The following GRID2IP variants were observed in gnomAD, a reference collection of about 807,000 sequenced individuals.
The protein encoded by GRID2IP is delphilin.
GRID2IP carries 78 observed loss-of-function variants against 114.3 expected under a neutral mutation model. That is an observed-to-expected ratio of 0.68 (90% CI 0.57 to 0.82). The LOEUF (loss-of-function observed/expected upper bound fraction) is 0.82. Among genes scored for constraint, GRID2IP ranks in the 40% least tolerant of loss-of-function variants. The pLI is 0.00. For synonymous variants in GRID2IP, 809 were observed against 724.0 expected, an observed-to-expected ratio of 1.12 and a Z score of -1.89; for missense variants, 1,727 against 1,678.5, an observed-to-expected ratio of 1.03 and a Z score of -0.51.
chr7:6,509,175 C>T lies in GRID2IP; in HGVS notation c.1910G>A (p.Arg637Lys), dbSNP rs1786688542. 3 of 1,475,244 alleles carry T rather than the reference C, an allele frequency of 2.0e-6. No homozygotes were observed. Among genetic ancestry groups the T allele is most frequent in the Non-Finnish European group, 2.7e-6 (3 of 1,110,982 alleles). 91.4% of individuals were successfully genotyped at this position (1,475,244 alleles called of 1,614,324 possible). ...GGGGCCTGGCTGTGGGGAGGGTGCC[C>T]TGCTGCTGTCCAGGCTGGCGTAGGG... The part of the protein sequence containing the change: ...SHPYASLDSS[R>K]APSPQPGPGP... Residue 637 changes from arginine (R) to lysine (K), a missense_variant, in exon 12 of 22, where the codon AGG becomes AAG. Coordinates refer to ENST00000457091, the MANE Select transcript of GRID2IP (RefSeq NM_001145118.2). This position sits in a 1 kb window ranked among gnomAD's most constrained non-coding sequence, Gnocchi z 4.9.
chr7:6,526,855 G>A lies in GRID2IP; in HGVS notation c.585-86C>T. 7.5e-7 allele frequency: 1 copy of A among 1,326,336 alleles called. No individual in the cohort carries two copies. The highest frequency in any genetic ancestry group is 9.7e-7 in the Non-Finnish European group (1 of 1,028,374). 82.2% of individuals were successfully genotyped at this position (1,326,336 alleles called of 1,614,324 possible). ...GGCCCGAAGGCGCGTCCTCGCGGGCGCCGCCCTAGGCTCTCCCACCTCTTC... is the reference window on the plus strand; with the variant it reads ...GGCCCGAAGGCGCGTCCTCGCGGGCACCGCCCTAGGCTCTCCCACCTCTTC... On this transcript the variant is annotated intron_variant, in intron 2 of 21. Coordinates refer to ENST00000457091, the MANE Select transcript of GRID2IP (RefSeq NM_001145118.2). The surrounding 1 kb of genome is among the most constrained non-coding windows in gnomAD (Gnocchi z 7.6).
chr7:6,543,950 C>T (rs1779848930), intron 1 of GRID2IP, among the ~76,000 whole-genome samples: 1 of 152,008 alleles, frequency 6.6e-6, no homozygotes, highest in Non-Finnish European at 1.5e-5. Context: ...GCAAATGCCA[C>T]CACGCCCGGC....
chr7:6,546,184 G>A (rs1779885791), intron 1 of GRID2IP, among the ~76,000 whole-genome samples: 2 of 151,738 alleles, frequency 1.3e-5, no homozygotes, highest in South Asian at 4.1e-4. Flanking sequence ...CCAGTCTGGC[G>A]CAGTGGCTCA....
At chr7:6,535,887 G>A (rs977387902) in intron 2 of GRID2IP, among the ~76,000 whole-genome samples, 11 of 151,838 alleles carry the variant, frequency 7.2e-5, no homozygotes, top group Admixed American at 3.3e-4. Flanking sequence ...CTCTCCTTGG[G>A]GACTGTCCTC....
intron 4 of GRID2IP, among the ~76,000 whole-genome samples, chr7:6,524,305 T>C (rs1284085289): frequency 6.6e-6 from 1 of 152,188 alleles, no homozygotes; most frequent in East Asian, 1.9e-4. Flanking sequence ...GTGGAAAGAA[T>C]GCATTGGCAT....
chr7:6,544,913 C>T (rs1348746449), intron 1 of GRID2IP, among the ~76,000 whole-genome samples: 1 of 151,920 alleles, frequency 6.6e-6, no homozygotes, highest in Non-Finnish European at 1.5e-5. Context: ...AACCCCGTCT[C>T]TACTAAAAAT....
chr7:6,503,365 C>T (rs1365832977), intron 16 of GRID2IP, 126 bp downstream of exon 16: 1 of 1,081,938 alleles, frequency 9.2e-7, no homozygotes, highest in Non-Finnish European at 1.3e-6. Context: ...AGGTGTTAAA[C>T]TGGGACTCAG....
Position 6,520,480 on chromosome 7 carries a change from G to C in GRID2IP, c.1268+98C>G. 7.6e-7 allele frequency: 1 copy of C among 1,322,566 alleles called. No homozygotes were observed. The highest frequency in any genetic ancestry group is 1.4e-5 in the South Asian group (1 of 70,348). 81.9% of individuals were successfully genotyped at this position (1,322,566 alleles called of 1,614,324 possible). ...TTCCTGAGCATCCCCCAGGAGAACG[G>C]GACTGAGGAGGTTCAGGCAGGGAGA... is the stretch of plus-strand genomic sequence containing the variant. On this transcript the variant is annotated intron_variant, in intron 7 of 21. Transcript: ENST00000457091. The surrounding 1 kb of genome is among the most constrained non-coding windows in gnomAD (Gnocchi z 4.6).
chr7:6,550,866 G>A (rs1366967388), intron 1 of GRID2IP, 142 bp downstream of exon 1: 13 of 981,850 alleles, frequency 1.3e-5, no homozygotes, highest in Non-Finnish European at 1.7e-5. Context: ...AGGTTTTGAA[G>A]TTGAGCATTC....
intron 2 of GRID2IP, among the ~76,000 whole-genome samples, chr7:6,531,879 T>C (rs770770560): frequency 6.6e-6 from 1 of 152,036 alleles, no homozygotes; most frequent in Non-Finnish European, 1.5e-5. Context: ...GAAGCCGAAT[T>C]CCAAAACACA....
At chr7:6,504,627 G>A (rs1368585709) in intron 15 of GRID2IP, among the ~76,000 whole-genome samples, 166 bp downstream of exon 15, 1 of 152,154 alleles carries the variant, frequency 6.6e-6, no homozygotes, top group African/African-American at 2.4e-5. Context: ...GCGCCCAGAT[G>A]GGATCTGGCT....
rs1441089661 is a variant in GRID2IP, at chr7:6,509,252, G to A, written c.1833C>T (p.Tyr611=). ...CCAGACCCCCCGAACACAGCGGGTG[G>A]TAGCAGGGGGAGGGCAAGAGTCGCT... ...PSERLLPSPC[Y]HPLCSGGLAS... The change falls in exon 12 of 22, where the codon TAC becomes TAT. Residue 611 remains tyrosine, a synonymous_variant. Transcript: ENST00000457091. This position sits in a 1 kb window ranked among gnomAD's most constrained non-coding sequence, Gnocchi z 4.9. 1.3e-6 allele frequency: 2 copies of A among 1,526,636 alleles called. No individual in the cohort carries two copies. The highest frequency in any genetic ancestry group is 1.8e-6 in the Non-Finnish European group (2 of 1,134,762). 94.6% of individuals were successfully genotyped at this position (1,526,636 alleles called of 1,614,324 possible). A position where few individuals can be genotyped will look rare whatever the true frequency, so the allele number is the denominator to read the frequency against.
In GRID2IP at chr7:6,510,968, C is replaced by A. The variant is rs1410403064; in HGVS notation, c.1495G>T (p.Ala499Ser). Reference protein sequence around the residue: ...PEPQPRSSLRASSMCRRSLRS... With the variant: ...PEPQPRSSLRSSSMCRRSLRS... ...AGGCTGCGGCGGCACATGGAGGAAGCCCGCAGGGAGCTCCGCGGCTGGGGC... is the reference window on the plus strand; with the variant it reads ...AGGCTGCGGCGGCACATGGAGGAAGACCGCAGGGAGCTCCGCGGCTGGGGC... Residue 499 changes from alanine to serine, a missense_variant, in exon 9 of 22, where the codon GCT (alanine) becomes TCT (serine). Physicochemically the swap from Ala to Ser is moderately conservative, Grantham distance 99. Transcript: ENST00000457091. 3.2e-6 allele frequency: 5 copies of A among 1,545,736 alleles called. No individual in the cohort carries two copies. The highest frequency in any genetic ancestry group is 4.4e-6 in the Non-Finnish European group (5 of 1,144,184).
intron 8 of GRID2IP, among the ~76,000 whole-genome samples, chr7:6,513,859 G>C (rs1562516257): frequency 6.8e-6 from 1 of 147,886 alleles, no homozygotes; most frequent in Non-Finnish European, 1.5e-5. Flanking sequence ...GGAGTGGGAG[G>C]ATCACTTGAG....
intron 1 of GRID2IP, among the ~76,000 whole-genome samples, chr7:6,550,730 A>G (rs1341942480): frequency 1.3e-5 from 2 of 150,854 alleles, no homozygotes; most frequent in Non-Finnish European, 2.9e-5. Context: ...TGGAAGACTG[A>G]GGCAGGAGAA....
chr7:6,526,862 T>G lies in GRID2IP; in HGVS notation c.585-93A>C. 3 of 1,313,808 alleles carry G rather than the reference T, an allele frequency of 2.3e-6. No individual in the cohort carries two copies. The highest frequency in any genetic ancestry group is 2.9e-6 in the Non-Finnish European group (3 of 1,017,334). 81.4% of individuals were successfully genotyped at this position (1,313,808 alleles called of 1,614,324 possible). On this transcript the variant is annotated intron_variant, in intron 2 of 21. Transcript: ENST00000457091. This position sits in a 1 kb window ranked among gnomAD's most constrained non-coding sequence, Gnocchi z 7.6. ...AGGCGCGTCCTCGCGGGCGCCGCCC[T>G]AGGCTCTCCCACCTCTTCCTAGGAG... is the stretch of plus-strand genomic sequence containing the variant.
rs754222851 is a variant in GRID2IP at position 6,497,761 on chromosome 7, G to C, written c.*13C>G. 1.2e-5 allele frequency: 19 copies of C among 1,544,792 alleles called. 1 individual carries two copies. In the South Asian group the frequency reaches 2.1e-4, roughly 17 times the overall value. On this transcript the variant is annotated 3_prime_UTR_variant, in exon 22 of 22. Coordinates refer to ENST00000457091, the MANE Select transcript of GRID2IP (RefSeq NM_001145118.2). ...TCCCTGCTCAGGCCGCAGAGGACGC[G>C]GTGTGGCCACTGTCACCAGGCCAGG...
At position 6,551,298 on chromosome 7, in the gene GRID2IP, C is replaced by T. The variant is rs1270576336; in HGVS notation, c.139G>A (p.Asp47Asn). The T allele has an allele frequency of 6.5e-7, 1 of 1,542,926 alleles. No individual in the cohort carries two copies. Among genetic ancestry groups the T allele is most frequent in the East Asian group, 2.4e-5 (1 of 40,876 alleles). The change falls in exon 1 of 22, where the codon GAC (aspartate) becomes AAC (asparagine). Residue 47 changes from aspartate (D) to asparagine (N), a missense_variant. Asp to Asn is a conservative substitution (Grantham distance 23). Transcript: ENST00000457091. ...AGCCCCTCCACCTCCAGGATCTGGT[C>T]TCCTGGCCGCAGTCCTCCGGCATGC... Reference protein sequence around the residue: ...SAHAGGLRPGDQILEVEGLAV... With the variant: ...SAHAGGLRPGNQILEVEGLAV...
intron 2 of GRID2IP, among the ~76,000 whole-genome samples, chr7:6,537,368 AC>A (rs1418751303): frequency 2.0e-5 from 2 of 98,208 alleles, no homozygotes; most frequent in South Asian, 3.8e-4. Flanking sequence ...ATATGGTGAG[AC>A]CTTTTTTTTT....
Sources: gnomAD v4.1 joint callset for allele counts (sites outside exome capture counted in the v4.1 genomes callset) on GRCh38, gnomAD v4.1.1 for gene constraint, Gnocchi (gnomAD v3.1) non-coding constraint, MANE v1.5 for transcripts, NCBI Gene and HGNC (gene_info 2026-07-23, HGNC 2026-07-21) for gene names.